The following LPP variants were observed in gnomAD, a reference collection of about 807,000 sequenced individuals.
LPP encodes the protein lipoma-preferred partner.
Under a neutral mutation model 60.4 loss-of-function variants are expected in LPP, and 38 were observed. The observed-to-expected ratio is 0.63, with a 90% CI of 0.49 to 0.83. The LOEUF (loss-of-function observed/expected upper bound fraction) is 0.83. Among genes scored for constraint, LPP ranks in the 40% least tolerant of loss-of-function variants. LPP has a pLI of 0.00. For missense variants in LPP, 902 were observed against 783.6 expected (o/e 1.15, Z -1.80); for synonymous variants, 328 against 290.8 (o/e 1.13, Z -1.30).
chr3:188,607,390 TATATATATATATATATATATATATATAA>T lies in LPP; in HGVS notation c.430-1770_430-1743del, dbSNP rs1457572354. Among the ~76,000 whole-genome samples, 140 of 28,388 alleles carry T rather than the reference TATATATATATATATATATATATATATAA, an allele frequency of 4.9e-3. 3 individuals are homozygous for T. Among genetic ancestry groups the T allele is most frequent in the African/African-American group, 0.023 (129 of 5,612 alleles). 18.6% of individuals were successfully genotyped at this position (28,388 alleles called of 152,430 possible). A position where few individuals can be genotyped will look rare whatever the true frequency, so the allele number is the denominator to read the frequency against. On this transcript the variant is annotated intron_variant, in intron 6 of 11. Transcript: ENST00000617246. ...TAGAAGATATATATATATATATATA[TATATATATATATATATATATATATATAA>T]TTTTTTTTTCCTTTGCAGTTTTACG...
At chr3:188,732,543 C>A (rs1258908374) in intron 8 of LPP, among the ~76,000 whole-genome samples, 1 of 151,700 alleles carries the variant, frequency 6.6e-6, no homozygotes, top group African/African-American at 2.4e-5. Flanking sequence ...CACGGTGAAA[C>A]CCCGTCTCTA....
intron 3 of LPP, among the ~76,000 whole-genome samples, chr3:188,373,355 T>C (rs972953602): frequency 2.6e-5 from 4 of 152,156 alleles, no homozygotes; most frequent in Admixed American, 6.5e-5. Context: ...TCTCCACATC[T>C]TCTCCAGCAC....
At chr3:188,801,598 A>G (rs1238256209) in intron 9 of LPP, among the ~76,000 whole-genome samples, 2 of 152,184 alleles carry the variant, frequency 1.3e-5, no homozygotes, top group East Asian at 3.8e-4. Context: ...TTTTAATTCT[A>G]TAAATAGCGA....
chr3:188,473,263 A>G (rs1802313315), intron 4 of LPP, among the ~76,000 whole-genome samples: 1 of 152,210 alleles, frequency 6.6e-6, no homozygotes, highest in South Asian at 2.1e-4. Flanking sequence ...TACCAAAGCC[A>G]GGTAAACACT....
Position 188,539,836 on chromosome 3 carries a change from T to C in LPP, c.429+15049T>C, listed in dbSNP as rs146968265. 8.2e-4 allele frequency among the ~76,000 whole-genome samples: 125 copies of C among 152,256 alleles called. No individual in the cohort carries two copies. In the Middle Eastern group the frequency reaches 0.01, roughly 12 times the overall value. Reference sequence around the variant, plus strand: ...ATTTAGGCAACAGATGGGAGCTCATTTGAATGATGCTAGGATTTCATGGTA... The same window carrying C: ...ATTTAGGCAACAGATGGGAGCTCATCTGAATGATGCTAGGATTTCATGGTA... On this transcript the variant is annotated intron_variant, in intron 6 of 11. Transcript: ENST00000617246.
chr3:188,492,305 A>G (rs900316206), intron 5 of LPP, among the ~76,000 whole-genome samples: 1 of 152,108 alleles, frequency 6.6e-6, no homozygotes, highest in Non-Finnish European at 1.5e-5. Flanking sequence ...TGTCTCTCCC[A>G]TCAAGAGTCT....
intron 3 of LPP, among the ~76,000 whole-genome samples, chr3:188,354,726 T>C (rs570487993): frequency 6.6e-6 from 1 of 152,352 alleles, no homozygotes; most frequent in African/African-American, 2.4e-5. Context: ...TCAGCCCTCA[T>C]TGATACCCAC....
chr3:188,700,122 G>T (rs1223242335), intron 7 of LPP, among the ~76,000 whole-genome samples: 1 of 151,940 alleles, frequency 6.6e-6, no homozygotes, highest in Non-Finnish European at 1.5e-5. Flanking sequence ...ACTACAAATG[G>T]ACAAGAAAAA....
At position 188,276,689 on chromosome 3, in the gene LPP, CTCTCTT is replaced by C. The variant is rs1190712789; in HGVS notation, c.-67+51168_-67+51173del. ...ACTCTGTCTCTCTCTCTCTCTCTCT[CTCTCTT>C]TCTCTCTCTCTCTCTCTCTCTCTCT... On this transcript the variant is annotated intron_variant, in intron 2 of 11. Coordinates refer to ENST00000617246, the MANE Select transcript of LPP (RefSeq NM_001375462.1). Among the ~76,000 whole-genome samples, 73 of 15,108 alleles carry C rather than the reference CTCTCTT, an allele frequency of 4.8e-3. 1 individual carries two copies. The African/African-American group carries it at 0.077, about 16-fold the overall frequency. 9.9% of individuals were successfully genotyped at this position (15,108 alleles called of 152,430 possible). A position where few individuals can be genotyped will look rare whatever the true frequency, so the allele number is the denominator to read the frequency against.
At chr3:188,600,977 T>C (rs749463577) in intron 6 of LPP, among the ~76,000 whole-genome samples, 83 of 152,112 alleles carry the variant, frequency 5.5e-4, no homozygotes, top group Non-Finnish European at 1.0e-3. Flanking sequence ...TGTATATATA[T>C]ATATCACATT....
intron 9 of LPP, among the ~76,000 whole-genome samples, chr3:188,800,261 T>TTG (rs2151140745): frequency 6.8e-6 from 1 of 147,392 alleles, no homozygotes; most frequent in East Asian, 2.0e-4. Context: ...TTTTTTTTTT[T>TTG]TTGAGATGGA....
intron 5 of LPP, among the ~76,000 whole-genome samples, chr3:188,510,259 A>G (rs1224748964): frequency 6.6e-6 from 1 of 152,162 alleles, no homozygotes; most frequent in African/African-American, 2.4e-5. Context: ...TAGCAAAGTA[A>G]AAGTCTTGTC....
At chr3:188,826,937 C>A (rs1435439597) in intron 9 of LPP, among the ~76,000 whole-genome samples, 2 of 152,014 alleles carry the variant, frequency 1.3e-5, no homozygotes, top group Non-Finnish European at 2.9e-5. Flanking sequence ...CTGATCAGGC[C>A]TAGGGTAGTT....
At chr3:188,589,468 G>T (rs1580208610) in intron 6 of LPP, among the ~76,000 whole-genome samples, 1 of 152,062 alleles carries the variant, frequency 6.6e-6, no homozygotes, top group East Asian at 1.9e-4. Flanking sequence ...TAAGCGTATG[G>T]TTTATGCACA....
intron 2 of LPP, among the ~76,000 whole-genome samples, chr3:188,232,286 G>A (rs1720288270): frequency 6.6e-6 from 1 of 152,138 alleles, no homozygotes; most frequent in Non-Finnish European, 1.5e-5. Flanking sequence ...TGGCCAGAAC[G>A]TGAATTCTAC....
intron 9 of LPP, among the ~76,000 whole-genome samples, chr3:188,825,267 C>CTGTG (rs1208771566): frequency 2.3e-3 from 232 of 98,952 alleles, no homozygotes; most frequent in African/African-American, 6.8e-3. Flanking sequence ...CTCTCTCTCT[C>CTGTG]TCTGTGTGTG....
chr3:188,542,026 T>C (rs1362790906), intron 6 of LPP, among the ~76,000 whole-genome samples: 1 of 152,218 alleles, frequency 6.6e-6, no homozygotes, highest in African/African-American at 2.4e-5. Context: ...TTACCTCCCA[T>C]ATTTATTTTT....
intron 4 of LPP, among the ~76,000 whole-genome samples, chr3:188,447,776 A>G (rs1432801746): frequency 1.3e-5 from 2 of 152,020 alleles, no homozygotes; most frequent in African/African-American, 2.4e-5. Context: ...ACTCCATCTT[A>G]GAAGAAAAAA....
intron 5 of LPP, among the ~76,000 whole-genome samples, chr3:188,518,003 C>G (rs1433110376): frequency 6.6e-6 from 1 of 152,132 alleles, no homozygotes; most frequent in Admixed American, 6.5e-5. Context: ...CACCATATGA[C>G]ATGCTGCCTC....
Sources: gnomAD v4.1 joint callset for allele counts (sites outside exome capture counted in the v4.1 genomes callset) on GRCh38, gnomAD v4.1.1 for gene constraint, MANE v1.5 for transcripts, NCBI Gene and HGNC (gene_info 2026-07-23, HGNC 2026-07-21) for gene names.